SUGCT: variants seen among roughly 807,000 people sequenced by gnomAD.
SUGCT encodes succinyl-CoA:glutarate-CoA transferase, also known as succinyl-CoA:glutarate CoA-transferase.
SUGCT carries 41 observed loss-of-function variants against 55.0 expected under a neutral mutation model. The ratio of observed to expected loss-of-function variants is 0.74; its 90% CI spans 0.58 to 0.97. The LOEUF (loss-of-function observed/expected upper bound fraction) is 0.97, where lower values mean the gene tolerates loss of function less well. SUGCT is among the 50% of genes least tolerant of loss of function. SUGCT has a pLI of 0.00. For synonymous variants in SUGCT, 187 were observed against 200.4 expected, an observed-to-expected ratio of 0.93 and a Z score of 0.56; for missense variants, 568 against 547.8, an observed-to-expected ratio of 1.04 and a Z score of -0.37.
At position 40,699,321 on chromosome 7, in the gene SUGCT, G is replaced by A. The variant is rs1217698071; in HGVS notation, c.1090-50113G>A. Among the ~76,000 whole-genome samples the A allele has an allele frequency of 2.0e-5, 3 of 152,240 alleles. No individual in the cohort carries two copies. The East Asian group carries it at 5.8e-4, about 30-fold the overall frequency. On this transcript the variant is annotated intron_variant, in intron 12 of 13. Transcript: ENST00000335693. ...GTATGTTGAAACAAGCTGCTAAGGGGCACAGAGGTGGAGAGCGAGTAGGTT... is the reference window on the plus strand; with the variant it reads ...GTATGTTGAAACAAGCTGCTAAGGGACACAGAGGTGGAGAGCGAGTAGGTT...
At chr7:40,939,133 G>A in the SUGCT span, among the ~76,000 whole-genome samples, 2 of 152,162 alleles carry the variant, frequency 1.3e-5, no homozygotes, top group African/African-American at 2.4e-5. Flanking sequence ...GGGTGGGGAA[G>A]CCTCACAATT....
At chr7:40,548,130 G>T (rs1212947944) in intron 12 of SUGCT, among the ~76,000 whole-genome samples, 2 of 131,656 alleles carry the variant, frequency 1.5e-5, no homozygotes, top group African/African-American at 2.8e-5. Context: ...CTTTTTGTGT[G>T]TTTTAATTTT....
At chr7:40,225,685 C>T (rs1788299755) in intron 6 of SUGCT, among the ~76,000 whole-genome samples, 1 of 152,088 alleles carries the variant, frequency 6.6e-6, no homozygotes, top group Non-Finnish European at 1.5e-5. Context: ...ATCCGCCTGC[C>T]TCAGCCTCCC....
Position 40,459,195 on chromosome 7 carries a change from A to G in SUGCT, c.983A>G (p.Glu328Gly), listed in dbSNP as rs779648797. The G allele has an allele frequency of 2.5e-6, 4 of 1,584,730 alleles. No individual in the cohort carries two copies. The highest frequency in any genetic ancestry group is 3.5e-6 in the Non-Finnish European group (4 of 1,155,806). Residue 328 changes from glutamate (E) to glycine (G), a missense_variant, in exon 11 of 14, where the codon GAA becomes GGA. Glu to Gly is a moderately conservative substitution (Grantham distance 98, BLOSUM62 -2). Transcript: ENST00000335693. Reference sequence around the variant, plus strand: ...AAAGAGCTTATTAAAATATTATCTGAACGGTAAGTTTGGATGTTGTATTCA... The same window carrying G: ...AAAGAGCTTATTAAAATATTATCTGGACGGTAAGTTTGGATGTTGTATTCA... Reference protein sequence around the residue: ...NRKELIKILSERFEEELTSKW... With the variant: ...NRKELIKILSGRFEEELTSKW...
At chr7:41,006,090 T>G in the SUGCT span, among the ~76,000 whole-genome samples, 1 of 152,138 alleles carries the variant, frequency 6.6e-6, no homozygotes, top group South Asian at 2.1e-4. Context: ...ACATAAAAAT[T>G]TTGGCTCCAA....
At chr7:40,366,219 A>G (rs1194182140) in intron 9 of SUGCT, among the ~76,000 whole-genome samples, 14 of 152,172 alleles carry the variant, frequency 9.2e-5, no homozygotes, top group Non-Finnish European at 2.1e-4. Context: ...ATATGTAGAA[A>G]GCTGAAACTG....
rs1013844161 is a variant in SUGCT, at chr7:40,581,053, C to T, written c.1089+84667C>T. On this transcript the variant is annotated intron_variant, in intron 12 of 13. Transcript: ENST00000335693. ...AAGATGCACTAGCAAGACATTATGA[C>T]ACTGTATTTTACTTCATTAAGCAGT... Among the ~76,000 whole-genome samples the T allele has an allele frequency of 3.3e-5, 5 of 152,226 alleles. No homozygotes were observed. The South Asian group carries it at 1.0e-3, about 31-fold the overall frequency.
At chr7:40,831,019 G>A (rs758190360) in intron 13 of SUGCT, among the ~76,000 whole-genome samples, 13 of 152,050 alleles carry the variant, frequency 8.5e-5, no homozygotes, top group Non-Finnish European at 1.6e-4. Context: ...AAGTAATGTC[G>A]TCTCAATTTT....
intron 13 of SUGCT, among the ~76,000 whole-genome samples, chr7:40,851,223 A>G (rs942568289): frequency 6.6e-6 from 1 of 152,134 alleles, no homozygotes; most frequent in Non-Finnish European, 1.5e-5. Flanking sequence ...CAACAGATCT[A>G]TATTTGCATC....
chr7:40,668,876 G>C (rs1218661048), intron 12 of SUGCT, among the ~76,000 whole-genome samples: 1 of 152,130 alleles, frequency 6.6e-6, no homozygotes, highest in Non-Finnish European at 1.5e-5. Context: ...TCACTCTAAA[G>C]CCAAGTTGGG....
At chr7:40,467,332 A>G (rs1268856126) in intron 11 of SUGCT, among the ~76,000 whole-genome samples, 2 of 151,816 alleles carry the variant, frequency 1.3e-5, no homozygotes, top group East Asian at 1.9e-4. Flanking sequence ...GTGTACGTCT[A>G]TAAATTTATG....
intron 13 of SUGCT, among the ~76,000 whole-genome samples, chr7:40,827,848 C>T (rs1328933185): frequency 1.3e-5 from 2 of 152,074 alleles, no homozygotes; most frequent in Non-Finnish European, 1.5e-5. Context: ...GGAAACCATC[C>T]AGCCACAGAG....
chr7:40,769,010 A>T (rs1489976017), intron 13 of SUGCT, among the ~76,000 whole-genome samples: 1 of 152,150 alleles, frequency 6.6e-6, no homozygotes, highest in Non-Finnish European at 1.5e-5. Flanking sequence ...ATATTCCTTG[A>T]GAGGGCAGAA....
chr7:40,256,151 TAGAG>T (rs1231475537), intron 7 of SUGCT, among the ~76,000 whole-genome samples: 4 of 152,164 alleles, frequency 2.6e-5, no homozygotes, highest in Non-Finnish European at 5.9e-5. Flanking sequence ...GAGAGAAAAA[TAGAG>T]AGGAAGAGAT....
chr7:40,453,626 AG>A (rs1789314343), intron 10 of SUGCT, among the ~76,000 whole-genome samples: 1 of 152,236 alleles, frequency 6.6e-6, no homozygotes, highest in Non-Finnish European at 1.5e-5. Flanking sequence ...TGAGAATCAA[AG>A]CCCACAGAAG....
intron 6 of SUGCT, among the ~76,000 whole-genome samples, chr7:40,234,279 TC>T (rs1206066807): frequency 6.6e-6 from 1 of 152,218 alleles, no homozygotes; most frequent in Non-Finnish European, 1.5e-5. Flanking sequence ...GCACAGGCCT[TC>T]CTGCCGATGG....
intron 8 of SUGCT, among the ~76,000 whole-genome samples, chr7:40,287,974 C>T (rs955117190): frequency 3.3e-5 from 5 of 152,138 alleles, no homozygotes; most frequent in Non-Finnish European, 7.4e-5. Context: ...GATTGATTAA[C>T]AATTGACATT....
chr7:40,327,536 T>G (rs1032677103), intron 9 of SUGCT, among the ~76,000 whole-genome samples: 1 of 152,260 alleles, frequency 6.6e-6, no homozygotes, highest in Non-Finnish European at 1.5e-5. Flanking sequence ...CAAAGACTAT[T>G]ATGATTTTTT....
chr7:40,337,740 C>T (rs1796797826), intron 9 of SUGCT, among the ~76,000 whole-genome samples: 1 of 152,042 alleles, frequency 6.6e-6, no homozygotes, highest in South Asian at 2.1e-4. Context: ...AGTATTTAGC[C>T]CATTTACATT....
Sources: gnomAD v4.1 joint callset for allele counts (sites outside exome capture counted in the v4.1 genomes callset) on GRCh38, gnomAD v4.1.1 for gene constraint, MANE v1.5 for transcripts, NCBI Gene and HGNC (gene_info 2026-07-23, HGNC 2026-07-21) for gene names.